ZNF469: variants seen among roughly 807,000 people sequenced by gnomAD.
The protein encoded by ZNF469 is zinc finger protein 469.
In ZNF469, 1 loss-of-function variant was observed where a neutral mutation model predicts 1.0. That is an observed-to-expected ratio of 1.00 (90% CI 0.35 to 4.73). The LOEUF is 4.73. ZNF469 is among the 30% of genes most tolerant of loss of function. ZNF469 has a pLI of 0.16. For missense variants in ZNF469, 6,100 were observed against 5,356.3 expected (o/e 1.14, Z -4.33); for synonymous variants, 2,703 against 2,363.4 (o/e 1.14, Z -4.17).
the ZNF469 span, among the ~76,000 whole-genome samples, chr16:88,105,395 C>G: frequency 0.011 from 1,696 of 151,584 alleles, 25 homozygotes; most frequent in African/African-American, 0.035. Context: ...ACCTCTGCCT[C>G]CCAGGTTCAA....
At chr16:88,205,304 G>A in the ZNF469 span, among the ~76,000 whole-genome samples, 27 of 152,122 alleles carry the variant, frequency 1.8e-4, no homozygotes, top group Admixed American at 1.6e-3. This position sits in a 1 kb window ranked among gnomAD's most constrained non-coding sequence, Gnocchi z 4.2. Context: ...TCCTCGAAGG[G>A]TTTTTTAGGA....
intron 1 of ZNF469, among the ~76,000 whole-genome samples, chr16:88,393,845 G>A (rs1315265096): frequency 2.6e-5 from 4 of 152,224 alleles, no homozygotes; most frequent in Non-Finnish European, 4.4e-5. Flanking sequence ...ACCGGTCTCC[G>A]GCCAGCAGCT....
chr16:88,326,039 C>G, the ZNF469 span, among the ~76,000 whole-genome samples: 2 of 152,248 alleles, frequency 1.3e-5, no homozygotes, highest in Admixed American at 6.5e-5. Flanking sequence ...ATCCTGTAGG[C>G]AGAGAGGAGG....
At chr16:88,346,228 G>A in the ZNF469 span, among the ~76,000 whole-genome samples, 5 of 152,228 alleles carry the variant, frequency 3.3e-5, no homozygotes, top group East Asian at 1.9e-4. Flanking sequence ...GGGGACGGCC[G>A]GTGCAGGCTG....
At chr16:88,369,439 C>T in the ZNF469 span, among the ~76,000 whole-genome samples, 1 of 152,344 alleles carries the variant, frequency 6.6e-6, no homozygotes, top group Middle Eastern at 3.4e-3. Flanking sequence ...GTGGCCTTCT[C>T]TCCCCACTTC....
chr16:88,141,911 G>A, the ZNF469 span, among the ~76,000 whole-genome samples: 3 of 152,230 alleles, frequency 2.0e-5, no homozygotes, highest in Non-Finnish European at 4.4e-5. Flanking sequence ...CGTGAGAGCC[G>A]GTTGGGCTTC....
chr16:88,155,965 C>T, the ZNF469 span, among the ~76,000 whole-genome samples: 1 of 152,164 alleles, frequency 6.6e-6, no homozygotes, highest in South Asian at 2.1e-4. Flanking sequence ...AGGTGCCTCT[C>T]GCATGATTGT....
At chr16:88,351,335 C>A in the ZNF469 span, among the ~76,000 whole-genome samples, 9 of 152,154 alleles carry the variant, frequency 5.9e-5, no homozygotes, top group African/African-American at 2.2e-4. Flanking sequence ...GTTTCTGAGA[C>A]CTTCTTCTGC....
Position 88,435,429 on chromosome 16 carries a change from T to G in ZNF469, c.7959T>G (p.Ala2653=). 6.5e-7 allele frequency: 1 copy of G among 1,550,186 alleles called. No homozygotes were observed. Among genetic ancestry groups the G allele is most frequent in the Admixed American group, 2.0e-5 (1 of 51,010 alleles). ...LREESILPVS[A]DVISDGRGSR... ...AGGAGAGCATTCTTCCAGTCTCTGC[T>G]GATGTGATTTCAGATGGGCGCGGCT... The change falls in exon 3 of 3, where the codon GCT becomes GCG. Residue 2653 remains alanine, a synonymous_variant. Coordinates refer to ENST00000565624, the MANE Select transcript of ZNF469 (RefSeq NM_001367624.2).
At chr16:88,287,006 C>T in the ZNF469 span, among the ~76,000 whole-genome samples, 2 of 152,178 alleles carry the variant, frequency 1.3e-5, no homozygotes, top group African/African-American at 2.4e-5. Flanking sequence ...TCCCGTTTTT[C>T]TTATTCTTTT....
At chr16:88,182,233 A>C in the ZNF469 span, among the ~76,000 whole-genome samples, 11 of 152,228 alleles carry the variant, frequency 7.2e-5, no homozygotes, top group African/African-American at 2.6e-4. Flanking sequence ...AAGAAGACCT[A>C]AATAAATGGA....
Position 88,430,763 on chromosome 16 carries a change from CCGAGGAGGA to C in ZNF469, c.3298_3306del (p.Glu1100_Glu1102del), listed in dbSNP as rs768453073. ...CGCGAGTACGACTTCGCCTCGGAGT[CCGAGGAGGA>C]CGAGCAGCCTCCGCCGCGGGGCCCC... On this transcript the variant is annotated inframe_deletion, in exon 3 of 3. Transcript: ENST00000565624. The C allele has an allele frequency of 3.6e-5, 54 of 1,516,110 alleles. No individual in the cohort carries two copies. The highest frequency in any genetic ancestry group is 4.7e-5 in the Non-Finnish European group (54 of 1,138,970). 93.9% of individuals were successfully genotyped at this position (1,516,110 alleles called of 1,614,324 possible).
upstream of ZNF469, among the ~76,000 whole-genome samples, chr16:88,378,502 C>T (rs1007364583): frequency 1.3e-5 from 2 of 152,196 alleles, no homozygotes; most frequent in South Asian, 2.1e-4. Flanking sequence ...ACCCAGGAGC[C>T]GTCCTCAGGG....
chr16:88,436,026 G>C lies in ZNF469; in HGVS notation c.8556G>C (p.Leu2852Phe). Residue 2852 changes from leucine (L) to phenylalanine (F), a missense_variant, in exon 3 of 3, where the codon TTG (leucine) becomes TTC (phenylalanine). Transcript: ENST00000565624. The stretch of plus-strand genomic sequence containing the variant: ...CCAGTGCCAAGGATCCTCCAAGCTT[G>C]TTTGATGATGAGGTCTCTTTCTCCC... The part of the protein sequence containing the change: ...SGSSAKDPPS[L>F]FDDEVSFSQL... 1 of 1,550,278 alleles carries C rather than the reference G, an allele frequency of 6.5e-7. No individual in the cohort carries two copies. The highest frequency in any genetic ancestry group is 1.2e-5 in the South Asian group (1 of 84,064).
the ZNF469 span, among the ~76,000 whole-genome samples, chr16:88,131,963 G>A: frequency 1.3e-5 from 2 of 152,248 alleles, no homozygotes; most frequent in Non-Finnish European, 1.5e-5. Context: ...CCCGGCCCGC[G>A]CATCTCCGGG....
chr16:88,195,657 C>A, the ZNF469 span, among the ~76,000 whole-genome samples: 3 of 152,168 alleles, frequency 2.0e-5, no homozygotes, highest in Admixed American at 6.5e-5. Flanking sequence ...ATGGGCCCAG[C>A]TAACAATGGC....
At chr16:88,281,828 G>T in the ZNF469 span, among the ~76,000 whole-genome samples, 40 of 152,068 alleles carry the variant, frequency 2.6e-4, no homozygotes, top group South Asian at 2.1e-4. Context: ...GGTTGGTGCT[G>T]TGCCATGCTG....
the ZNF469 span, among the ~76,000 whole-genome samples, chr16:88,127,640 C>A: frequency 0.016 from 2,427 of 152,186 alleles, 64 homozygotes; most frequent in African/African-American, 0.055. Flanking sequence ...GTGCTGGAGG[C>A]GGCAGGGAGG....
the ZNF469 span, among the ~76,000 whole-genome samples, chr16:88,316,903 G>T: frequency 4.9e-3 from 749 of 152,214 alleles, 16 homozygotes; most frequent in East Asian, 0.051. Flanking sequence ...CGAAGCTGGG[G>T]TCCTCCTTGA....
Sources: gnomAD v4.1 joint callset for allele counts (sites outside exome capture counted in the v4.1 genomes callset) on GRCh38, gnomAD v4.1.1 for gene constraint, Gnocchi (gnomAD v3.1) non-coding constraint, MANE v1.5 for transcripts, NCBI Gene and HGNC (gene_info 2026-07-23, HGNC 2026-07-21) for gene names.